The following HNF1B variants were observed in gnomAD, a reference collection of about 807,000 sequenced individuals.
HNF1B encodes hepatocyte nuclear factor 1-beta.
Under a neutral mutation model 61.7 loss-of-function variants are expected in HNF1B, and 8 were observed. The ratio of observed to expected loss-of-function variants is 0.13; its 90% CI spans 0.08 to 0.23. HNF1B has a LOEUF of 0.23. HNF1B is among the 10% of genes least tolerant of loss of function. The probability of loss-of-function intolerance (pLI) is 1.00; values close to 1 mark genes in which losing one functional copy is unlikely to be tolerated. For synonymous variants in HNF1B, 314 were observed against 287.7 expected, an observed-to-expected ratio of 1.09 and a Z score of -0.93; for missense variants, 562 against 714.5, an observed-to-expected ratio of 0.79 and a Z score of 2.43.
intron 2 of HNF1B, among the ~76,000 whole-genome samples, chr17:37,735,954 G>A (rs767198925): frequency 9.9e-5 from 15 of 152,178 alleles, no homozygotes; most frequent in Non-Finnish European, 1.9e-4. Context: ...TTGTAGAGAC[G>A]GGGTCTCGCT....
intron 5 of HNF1B, among the ~76,000 whole-genome samples, chr17:37,707,184 C>G (rs984241472): frequency 1.3e-5 from 2 of 151,080 alleles, no homozygotes; most frequent in African/African-American, 4.9e-5. Flanking sequence ...GGCATGATCA[C>G]AGCTCACTGC....
At chr17:37,733,877 GA>G in intron 2 of HNF1B, 56 bp from the exon 3 acceptor site, 1 of 1,510,656 alleles carries the variant, frequency 6.6e-7, no homozygotes, top group Non-Finnish European at 9.1e-7. Flanking sequence ...TCAGCAGACA[GA>G]CAGACAGACA....
intron 8 of HNF1B, among the ~76,000 whole-genome samples, chr17:37,691,626 A>G (rs1309516944): frequency 3.9e-5 from 6 of 152,082 alleles, no homozygotes; most frequent in Admixed American, 3.3e-4. Context: ...GTCTTCGTGC[A>G]GTTAGTCCTT....
rs2033696252 is a variant in HNF1B, at chr17:37,731,833, G to A, written c.810-3C>T. 1 of 1,607,204 alleles carries A rather than the reference G, an allele frequency of 6.2e-7. No individual in the cohort carries two copies. Among genetic ancestry groups the A allele is most frequent in the African/African-American group, 1.3e-5 (1 of 74,770 alleles). ...CCCCTCGCTGCAAACATTCTGCCCTGGGAATGGATGGAGGGGAGATGGTGA... is the reference window on the plus strand; with the variant it reads ...CCCCTCGCTGCAAACATTCTGCCCTAGGAATGGATGGAGGGGAGATGGTGA... On this transcript the variant is annotated splice_region_variant and splice_polypyrimidine_tract_variant and intron_variant, in intron 3 of 8. Coordinates refer to ENST00000617811, the MANE Select transcript of HNF1B (RefSeq NM_000458.4).
chr17:37,741,839 TA>T (rs925754017), intron 1 of HNF1B, among the ~76,000 whole-genome samples: 1 of 152,050 alleles, frequency 6.6e-6, no homozygotes, highest in Non-Finnish European at 1.5e-5. Flanking sequence ...GGGGAGGGTT[TA>T]AAAAAAGCCC....
chr17:37,727,171 C>T (rs2033527028), intron 4 of HNF1B, among the ~76,000 whole-genome samples: 1 of 152,172 alleles, frequency 6.6e-6, no homozygotes, highest in South Asian at 2.1e-4. Flanking sequence ...TCCTTGCTGC[C>T]GCCCTGCCCT....
chr17:37,705,743 G>A (rs1032522232), intron 5 of HNF1B, among the ~76,000 whole-genome samples: 11 of 152,046 alleles, frequency 7.2e-5, no homozygotes, highest in Non-Finnish European at 1.6e-4. Flanking sequence ...TTCCTTGCTA[G>A]TACTGATATG....
Position 37,704,906 on chromosome 17 carries a change from A to G in HNF1B, c.1339+11T>C. ...CTGCCCCCAAGTTTTCCAACCAAGAATAGAACTTACTTTGTGCAATTGCCA... is the reference window on the plus strand; with the variant it reads ...CTGCCCCCAAGTTTTCCAACCAAGAGTAGAACTTACTTTGTGCAATTGCCA... On this transcript the variant is annotated intron_variant, in intron 6 of 8. Coordinates refer to ENST00000617811, the MANE Select transcript of HNF1B (RefSeq NM_000458.4). The G allele has an allele frequency of 6.2e-7, 1 of 1,614,118 alleles. No individual in the cohort carries two copies. The highest frequency in any genetic ancestry group is 8.5e-7 in the Non-Finnish European group (1 of 1,180,002).
intron 8 of HNF1B, among the ~76,000 whole-genome samples, chr17:37,694,392 C>T (rs1430037510): frequency 6.9e-6 from 1 of 145,540 alleles, no homozygotes; most frequent in Non-Finnish European, 1.5e-5. Flanking sequence ...CACCATTGTA[C>T]TCCAGCTTGG....
intron 4 of HNF1B, among the ~76,000 whole-genome samples, chr17:37,720,045 G>A (rs2033258112): frequency 6.6e-6 from 1 of 152,104 alleles, no homozygotes; most frequent in Non-Finnish European, 1.5e-5. Context: ...AAGGAGGCTC[G>A]TCCCAAGCAA....
intron 8 of HNF1B, among the ~76,000 whole-genome samples, chr17:37,697,551 A>G (rs1361042431): frequency 6.6e-6 from 1 of 152,214 alleles, no homozygotes; most frequent in Non-Finnish European, 1.5e-5. Context: ...GGAATAATTA[A>G]TCATGGTCCT....
chr17:37,687,371 A>G lies in HNF1B; in HGVS notation c.*1T>C. ...CGCACGAAGTAAGTGGTGTGTGGGC[A>G]TCACCAGGCTTGTAGAGGACACTGC... is the stretch of plus-strand genomic sequence containing the variant. On this transcript the variant is annotated 3_prime_UTR_variant, in exon 9 of 9. Transcript: ENST00000617811. The G allele has an allele frequency of 6.2e-7, 1 of 1,614,046 alleles. No homozygotes were observed. Among genetic ancestry groups the G allele is most frequent in the Non-Finnish European group, 8.5e-7 (1 of 1,179,974 alleles).
chr17:37,697,413 G>A (rs941479709), intron 8 of HNF1B, among the ~76,000 whole-genome samples: 1 of 152,214 alleles, frequency 6.6e-6, no homozygotes, highest in Non-Finnish European at 1.5e-5. Flanking sequence ...CAATGGAGAG[G>A]AGAAGCCAGT....
Position 37,701,197 on chromosome 17 carries a change from AG to A in HNF1B, c.1340-21del. On this transcript the variant is annotated intron_variant, in intron 6 of 8. Coordinates refer to ENST00000617811, the MANE Select transcript of HNF1B (RefSeq NM_000458.4). Reference sequence around the variant, plus strand: ...TGAGGCCTGTGGGAGCAAGAGGAAAAGATCACAGACAGCTCCTGGGATAAGG... The same window carrying A: ...TGAGGCCTGTGGGAGCAAGAGGAAAAATCACAGACAGCTCCTGGGATAAGG... 1 of 1,548,770 alleles carries A rather than the reference AG, an allele frequency of 6.5e-7. No individual in the cohort carries two copies. The highest frequency in any genetic ancestry group is 8.7e-7 in the Non-Finnish European group (1 of 1,145,710).
intron 8 of HNF1B, among the ~76,000 whole-genome samples, chr17:37,696,364 G>C (rs2032384786): frequency 6.6e-6 from 1 of 152,168 alleles, no homozygotes; most frequent in Admixed American, 6.5e-5. Context: ...TTGAGCCCAG[G>C]AGGTTAAAGC....
chr17:37,692,376 T>C (rs2147421712), intron 8 of HNF1B, among the ~76,000 whole-genome samples: 1 of 152,258 alleles, frequency 6.6e-6, no homozygotes, highest in African/African-American at 2.4e-5. Flanking sequence ...GTTTAATGAG[T>C]TTGGAGTGAG....
At chr17:37,716,343 G>A (rs1326408207) in intron 4 of HNF1B, among the ~76,000 whole-genome samples, 25 of 151,932 alleles carry the variant, frequency 1.6e-4, no homozygotes, top group South Asian at 4.2e-4. Flanking sequence ...AACTACAGGC[G>A]CCCACCACCA....
At chr17:37,725,146 C>A (rs1598833151) in intron 4 of HNF1B, among the ~76,000 whole-genome samples, 1 of 152,216 alleles carries the variant, frequency 6.6e-6, no homozygotes, top group East Asian at 1.9e-4. Flanking sequence ...CGCTTCTCAT[C>A]AAACCTTCAA....
intron 6 of HNF1B, 65 bp from the exon 7 acceptor site, chr17:37,701,242 T>A: frequency 6.8e-7 from 1 of 1,467,064 alleles, no homozygotes; most frequent in African/African-American, 1.4e-5. Flanking sequence ...ATGGATGCCA[T>A]CATTTGAGCC....
Sources: allele counts gnomAD v4.1 joint callset (sites outside exome capture counted in the v4.1 genomes callset), GRCh38; gene constraint gnomAD v4.1.1; transcripts MANE v1.5; gene names NCBI Gene and HGNC (gene_info 2026-07-23, HGNC 2026-07-21).